Variants in NEK1 observed in about 807,000 individuals in gnomAD.
The protein encoded by NEK1 is NIMA related kinase 1.
NEK1 carries 137 observed loss-of-function variants against 182.1 expected under a neutral mutation model. That is an observed-to-expected ratio of 0.75 (90% CI 0.65 to 0.87). The LOEUF (loss-of-function observed/expected upper bound fraction) is 0.87. NEK1 is among the 40% of genes least tolerant of loss of function. The pLI, the probability that NEK1 is intolerant of heterozygous loss-of-function variation, is 0.00. For missense variants in NEK1, 1,391 were observed against 1,494.4 expected, an observed-to-expected ratio of 0.93 and a Z score of 1.14; for synonymous variants, 513 against 492.2, an observed-to-expected ratio of 1.04 and a Z score of -0.56.
intron 24 of NEK1, among the ~76,000 whole-genome samples, chr4:169,477,701 G>A (rs1747226434): frequency 6.6e-6 from 1 of 151,716 alleles, no homozygotes; most frequent in South Asian, 2.1e-4. Context: ...ATAGACAGGG[G>A]CCAATTCTCA....
chr4:169,502,558 G>C (rs186714028), intron 23 of NEK1, among the ~76,000 whole-genome samples: 350 of 152,052 alleles, frequency 2.3e-3, no homozygotes, highest in Middle Eastern at 0.014. Flanking sequence ...CTTATTCCTG[G>C]GATGCAAGGA....
intron 18 of NEK1, chr4:169,554,560 G>A (rs1211396556): frequency 6.6e-6 from 1 of 152,020 alleles, no homozygotes; most frequent in Non-Finnish European, 1.5e-5. Flanking sequence ...AGAAAAGCCA[G>A]TGTGAAAGGC....
At chr4:169,462,220 A>T (rs984770916) in intron 27 of NEK1, among the ~76,000 whole-genome samples, 2 of 151,966 alleles carry the variant, frequency 1.3e-5, no homozygotes, top group Admixed American at 6.6e-5. Context: ...ATTATTATTT[A>T]AAAAAATGTT....
chr4:169,597,032 A>T (rs76142010), intron 5 of NEK1, among the ~76,000 whole-genome samples: 1 of 152,148 alleles, frequency 6.6e-6, no homozygotes, highest in African/African-American at 2.4e-5. Flanking sequence ...ATCAAAGAGT[A>T]GAATCAAATC....
At chr4:169,589,732 ACTC>A (rs1250139229) in intron 6 of NEK1, among the ~76,000 whole-genome samples, 2 of 152,022 alleles carry the variant, frequency 1.3e-5, no homozygotes, top group African/African-American at 4.8e-5. Context: ...AAAATACAAA[ACTC>A]CTAGAGAAAA....
intron 27 of NEK1, among the ~76,000 whole-genome samples, chr4:169,443,993 GA>G (rs1740025146): frequency 6.6e-6 from 1 of 152,128 alleles, no homozygotes; most frequent in African/African-American, 2.4e-5. Flanking sequence ...CTTTCCCAAA[GA>G]AGCAAAAACT....
At chr4:169,524,475 A>G (rs940563314) in intron 19 of NEK1, among the ~76,000 whole-genome samples, 12 of 151,980 alleles carry the variant, frequency 7.9e-5, no homozygotes, top group Non-Finnish European at 1.3e-4. Flanking sequence ...AAAAAAAAAA[A>G]AAAAAGAAAA....
At chr4:169,544,594 T>C (rs1760040714) in intron 18 of NEK1, among the ~76,000 whole-genome samples, 1 of 131,836 alleles carries the variant, frequency 7.6e-6, no homozygotes, top group Admixed American at 8.7e-5. Context: ...ATCTGTCTGG[T>C]CATGGTTTTT....
intron 28 of NEK1, 59 bp downstream of exon 28, chr4:169,438,024 T>A: frequency 7.8e-7 from 1 of 1,283,242 alleles, no homozygotes; most frequent in East Asian, 2.4e-5. Flanking sequence ...TTATAAAGCT[T>A]GTGAAATTTA....
chr4:169,413,453 C>T lies in NEK1; in HGVS notation c.3223-6706G>A, dbSNP rs1282064980. 2.0e-5 allele frequency among the ~76,000 whole-genome samples: 3 copies of T among 152,090 alleles called. No individual in the cohort carries two copies. In the South Asian group the frequency reaches 6.2e-4, roughly 32 times the overall value. On this transcript the variant is annotated intron_variant, in intron 31 of 35. Coordinates refer to ENST00000507142, the MANE Select transcript of NEK1 (RefSeq NM_001199397.3). ...CTCCCAAATACACCTAAATTTTATG[C>T]CACATTCCTCTACAACAAATTCCAA... is the stretch of plus-strand genomic sequence containing the variant.
intron 27 of NEK1, among the ~76,000 whole-genome samples, chr4:169,441,086 A>G (rs1739360293): frequency 6.6e-6 from 1 of 152,138 alleles, no homozygotes; most frequent in Non-Finnish European, 1.5e-5. Flanking sequence ...TCTAGCCCAC[A>G]TACAGTCCTA....
chr4:169,498,470 T>C (rs1227641306), intron 23 of NEK1, among the ~76,000 whole-genome samples: 1 of 152,200 alleles, frequency 6.6e-6, no homozygotes, highest in African/African-American at 2.4e-5. Context: ...GTTATTTTGC[T>C]CATTAGTTGA....
intron 12 of NEK1, among the ~76,000 whole-genome samples, chr4:169,575,456 C>G (rs1412132400): frequency 2.6e-5 from 4 of 152,208 alleles, no homozygotes; most frequent in Non-Finnish European, 5.9e-5. Context: ...CAGCACTCAC[C>G]CCTACAGGCA....
intron 33 of NEK1, among the ~76,000 whole-genome samples, chr4:169,400,997 T>C (rs1266728198): frequency 2.0e-5 from 3 of 151,406 alleles, no homozygotes; most frequent in Non-Finnish European, 2.9e-5. Flanking sequence ...TTTTCAAAAG[T>C]TGGTAATAAA....
At chr4:169,552,735 C>T (rs1019371559) in intron 18 of NEK1, among the ~76,000 whole-genome samples, 1 of 152,008 alleles carries the variant, frequency 6.6e-6, no homozygotes, top group East Asian at 1.9e-4. Flanking sequence ...GTGATGATAG[C>T]AAAGTTGCAG....
chr4:169,608,241 T>A (rs2150162439), intron 2 of NEK1, among the ~76,000 whole-genome samples: 1 of 152,210 alleles, frequency 6.6e-6, no homozygotes, highest in African/African-American at 2.4e-5. Context: ...ACAATAATTA[T>A]GAAATAGGCA....
intron 28 of NEK1, among the ~76,000 whole-genome samples, chr4:169,437,103 G>C (rs1209720702): frequency 6.6e-6 from 1 of 152,320 alleles, no homozygotes; most frequent in East Asian, 1.9e-4. Flanking sequence ...TTCCTGGTTG[G>C]ATTTTAGAAT....
At chr4:169,503,459 C>T (rs536532765) in intron 23 of NEK1, among the ~76,000 whole-genome samples, 1 of 152,062 alleles carries the variant, frequency 6.6e-6, no homozygotes, top group Non-Finnish European at 1.5e-5. Context: ...ATCACATTAC[C>T]TGACCTCGAA....
chr4:169,419,939 A>G (rs1014903165), intron 31 of NEK1, among the ~76,000 whole-genome samples: 2 of 152,182 alleles, frequency 1.3e-5, no homozygotes, highest in African/African-American at 4.8e-5. Context: ...GAGCTTGTGG[A>G]ACTGGAAGTT....
Sources: allele counts gnomAD v4.1 joint callset (sites outside exome capture counted in the v4.1 genomes callset), GRCh38; gene constraint gnomAD v4.1.1; transcripts MANE v1.5; gene names NCBI Gene and HGNC (gene_info 2026-07-23, HGNC 2026-07-21).